Variants in SPOCK3 observed in about 807,000 individuals in gnomAD.
SPOCK3 encodes the protein testican-3.
In SPOCK3, 30 loss-of-function variants were observed where a neutral mutation model predicts 56.6. The observed-to-expected ratio is 0.53, with a 90% CI of 0.40 to 0.72. SPOCK3 has a LOEUF of 0.72. SPOCK3 is among the 30% of genes least tolerant of loss of function. The pLI, the probability that SPOCK3 is intolerant of heterozygous loss-of-function variation, is 0.00. For synonymous variants in SPOCK3, 196 were observed against 183.3 expected, an observed-to-expected ratio of 1.07 and a Z score of -0.56; for missense variants, 527 against 530.0, an observed-to-expected ratio of 0.99 and a Z score of 0.06.
intron 6 of SPOCK3, among the ~76,000 whole-genome samples, chr4:166,874,682 G>A (rs1732893973): frequency 6.6e-6 from 1 of 152,152 alleles, no homozygotes; most frequent in Admixed American, 6.5e-5. Context: ...TGACTCCCTG[G>A]ACACTTGGGT....
chr4:167,209,461 C>A (rs1018477693), intron 2 of SPOCK3, among the ~76,000 whole-genome samples: 2 of 152,046 alleles, frequency 1.3e-5, no homozygotes, highest in African/African-American at 2.4e-5. Context: ...ATTTTTCAAT[C>A]TGATATGGTA....
intron 2 of SPOCK3, among the ~76,000 whole-genome samples, chr4:167,175,938 T>G (rs1411653501): frequency 1.3e-5 from 2 of 152,144 alleles, no homozygotes; most frequent in Non-Finnish European, 2.9e-5. Context: ...CACAATGATT[T>G]AACCCATGCA....
At chr4:167,142,978 T>C (rs1319844468) in intron 2 of SPOCK3, among the ~76,000 whole-genome samples, 1 of 151,960 alleles carries the variant, frequency 6.6e-6, no homozygotes, top group African/African-American at 2.4e-5. Flanking sequence ...GAAGAATTAA[T>C]AGTTAGCAAC....
Position 166,924,589 on chromosome 4 carries a change from G to A in SPOCK3, c.351-11846C>T, listed in dbSNP as rs542083903. On this transcript the variant is annotated intron_variant, in intron 4 of 10. Coordinates refer to ENST00000357545, the MANE Select transcript of SPOCK3 (RefSeq NM_001040159.2). Reference sequence around the variant, plus strand: ...CTGGAGGCCATAAAATATACTACATGCTAAGAATTGTCTACACTTCCTAAC... The same window carrying A: ...CTGGAGGCCATAAAATATACTACATACTAAGAATTGTCTACACTTCCTAAC... Among the ~76,000 whole-genome samples the A allele has an allele frequency of 4.6e-5, 7 of 152,284 alleles. No homozygotes were observed. In the South Asian group the frequency reaches 1.2e-3, roughly 27 times the overall value.
chr4:167,039,088 A>G (rs1753019645), intron 3 of SPOCK3, among the ~76,000 whole-genome samples: 1 of 152,164 alleles, frequency 6.6e-6, no homozygotes, highest in Non-Finnish European at 1.5e-5. Context: ...GAGACGCTCT[A>G]GTCCATGCTT....
chr4:166,806,816 G>A (rs1743211722), intron 6 of SPOCK3, among the ~76,000 whole-genome samples: 1 of 151,900 alleles, frequency 6.6e-6, no homozygotes, highest in African/African-American at 2.4e-5. Context: ...GTTTATTCAT[G>A]CGAGATGTAT....
At chr4:167,107,482 T>A (rs571929142) in intron 2 of SPOCK3, among the ~76,000 whole-genome samples, 1 of 151,878 alleles carries the variant, frequency 6.6e-6, no homozygotes, top group Admixed American at 6.6e-5. Flanking sequence ...AAAATGGTGA[T>A]AGAAGAAAAA....
intron 8 of SPOCK3, among the ~76,000 whole-genome samples, chr4:166,744,222 C>A (rs1426149033): frequency 6.6e-6 from 1 of 152,142 alleles, no homozygotes; most frequent in Non-Finnish European, 1.5e-5. Flanking sequence ...CTGACTGACA[C>A]CTCATACAGC....
intron 2 of SPOCK3, among the ~76,000 whole-genome samples, chr4:167,137,800 T>A (rs1763241260): frequency 6.6e-6 from 1 of 151,858 alleles, no homozygotes; most frequent in African/African-American, 2.4e-5. Flanking sequence ...TTTTTCATAC[T>A]GTTACATTTT....
At chr4:166,928,040 T>G (rs751877029) in intron 4 of SPOCK3, among the ~76,000 whole-genome samples, 1 of 152,156 alleles carries the variant, frequency 6.6e-6, no homozygotes, top group Non-Finnish European at 1.5e-5. Context: ...CACTATAAAC[T>G]TATTAGAATG....
intron 2 of SPOCK3, among the ~76,000 whole-genome samples, chr4:167,114,921 G>GAA (rs150529121): frequency 6.8e-6 from 1 of 148,028 alleles, no homozygotes; most frequent in African/African-American, 2.5e-5. Flanking sequence ...AGGACTAAGA[G>GAA]AAAAAAAAAC....
At chr4:167,087,797 G>A (rs1025721209) in intron 2 of SPOCK3, among the ~76,000 whole-genome samples, 1 of 152,066 alleles carries the variant, frequency 6.6e-6, no homozygotes, top group Non-Finnish European at 1.5e-5. Flanking sequence ...GGACTATCAG[G>A]ATAGAATTCT....
intron 2 of SPOCK3, among the ~76,000 whole-genome samples, chr4:167,202,859 T>C (rs1462692185): frequency 2.0e-5 from 3 of 151,902 alleles, no homozygotes; most frequent in Non-Finnish European, 4.4e-5. Flanking sequence ...AGGGGAATAC[T>C]AAACCATTTG....
At chr4:166,999,234 C>A (rs894846285) in intron 4 of SPOCK3, among the ~76,000 whole-genome samples, 2 of 152,132 alleles carry the variant, frequency 1.3e-5, no homozygotes, top group Admixed American at 6.6e-5. Context: ...ATTTTCAAAC[C>A]CGCATACCTT....
intron 2 of SPOCK3, among the ~76,000 whole-genome samples, chr4:167,131,864 T>C (rs1262538326): frequency 6.6e-6 from 1 of 152,226 alleles, no homozygotes; most frequent in Non-Finnish European, 1.5e-5. Flanking sequence ...GTATAAGTAC[T>C]ATGAATCTCA....
At chr4:166,844,469 A>T (rs1045827457) in intron 6 of SPOCK3, among the ~76,000 whole-genome samples, 1 of 152,202 alleles carries the variant, frequency 6.6e-6, no homozygotes, top group Non-Finnish European at 1.5e-5. Context: ...ATTAACAATT[A>T]AATCAGTAAA....
intron 4 of SPOCK3, among the ~76,000 whole-genome samples, chr4:166,925,381 G>A (rs11729998): frequency 0.59 from 89,649 of 151,684 alleles, 27,417 homozygotes; most frequent in African/African-American, 0.75. Context: ...CAAAATAGAA[G>A]AAAAAACGTA....
intron 4 of SPOCK3, among the ~76,000 whole-genome samples, chr4:166,997,802 A>AT (rs1748544833): frequency 6.6e-6 from 1 of 152,214 alleles, no homozygotes; most frequent in Non-Finnish European, 1.5e-5. Flanking sequence ...GAAAAACTGT[A>AT]TTCCCCTTGC....
chr4:167,017,276 C>T (rs931897630), intron 3 of SPOCK3, among the ~76,000 whole-genome samples: 4 of 152,050 alleles, frequency 2.6e-5, no homozygotes, highest in African/African-American at 9.7e-5. Context: ...CACACAAAAC[C>T]GTCCTGGGAC....
Sources: allele counts gnomAD v4.1 joint callset (sites outside exome capture counted in the v4.1 genomes callset), GRCh38; gene constraint gnomAD v4.1.1; transcripts MANE v1.5; gene names NCBI Gene and HGNC (gene_info 2026-07-23, HGNC 2026-07-21).